NRG3: variants seen among roughly 807,000 people sequenced by gnomAD.
NRG3 encodes the protein pro-neuregulin-3, membrane-bound isoform.
In NRG3, 31 loss-of-function variants were observed where a neutral mutation model predicts 66.9. That is an observed-to-expected ratio of 0.46 (90% CI 0.35 to 0.63). NRG3 has a LOEUF of 0.63. Among genes scored for constraint, NRG3 ranks in the 20% least tolerant of loss-of-function variants. The pLI is 0.00. For missense variants in NRG3, 910 were observed against 878.9 expected, an observed-to-expected ratio of 1.04 and a Z score of -0.45; for synonymous variants, 393 against 359.4, an observed-to-expected ratio of 1.09 and a Z score of -1.06.
At chr10:81,903,998 T>TA (rs1161213864) in intron 1 of NRG3, among the ~76,000 whole-genome samples, 1,722 of 92,260 alleles carry the variant, frequency 0.019, 12 homozygotes, top group Non-Finnish European at 0.024. Context: ...ATATATATAT[T>TA]TTTTTTTTTT....
chr10:82,787,766 T>G (rs572700038), intron 3 of NRG3, among the ~76,000 whole-genome samples: 1 of 152,294 alleles, frequency 6.6e-6, no homozygotes, highest in Non-Finnish European at 1.5e-5. Flanking sequence ...TGAGTGCCAA[T>G]AAATCTGAAT....
intron 4 of NRG3, among the ~76,000 whole-genome samples, chr10:82,936,718 C>T (rs1048961190): frequency 7.2e-5 from 11 of 151,950 alleles, no homozygotes; most frequent in Non-Finnish European, 1.0e-4. Context: ...ACAATAAACA[C>T]ATATAATTTC....
At chr10:82,100,477 A>C (rs1174029938) in intron 1 of NRG3, among the ~76,000 whole-genome samples, 1 of 152,128 alleles carries the variant, frequency 6.6e-6, no homozygotes, top group African/African-American at 2.4e-5. Context: ...AGGAGAAATC[A>C]TTCAGTCTTT....
intron 3 of NRG3, among the ~76,000 whole-genome samples, chr10:82,759,123 T>C (rs2059199310): frequency 6.6e-6 from 1 of 152,078 alleles, no homozygotes; most frequent in African/African-American, 2.4e-5. Flanking sequence ...AAGTAAGTTC[T>C]CCATCTAAAG....
At chr10:82,672,553 G>T (rs1034207556) in intron 2 of NRG3, among the ~76,000 whole-genome samples, 2 of 152,208 alleles carry the variant, frequency 1.3e-5, no homozygotes, top group Non-Finnish European at 2.9e-5. Context: ...CAGCTTGGGT[G>T]ATCATGGTGG....
At chr10:82,707,292 A>AGATTT (rs1033904521) in intron 2 of NRG3, among the ~76,000 whole-genome samples, 7 of 140,790 alleles carry the variant, frequency 5.0e-5, no homozygotes, top group African/African-American at 1.8e-4. Flanking sequence ...GCTGGTTTTG[A>AGATTT]GATTTTTCTC....
At chr10:82,703,751 T>C (rs746248049) in intron 2 of NRG3, among the ~76,000 whole-genome samples, 4 of 152,164 alleles carry the variant, frequency 2.6e-5, no homozygotes, top group Non-Finnish European at 5.9e-5. Context: ...TGACAGATTT[T>C]TCACAAATTT....
intron 2 of NRG3, among the ~76,000 whole-genome samples, chr10:82,539,028 G>T (rs752672918): frequency 4.6e-5 from 7 of 152,110 alleles, no homozygotes; most frequent in African/African-American, 1.7e-4. Flanking sequence ...GCTTCATCCC[G>T]CAAGATTGGA....
intron 2 of NRG3, among the ~76,000 whole-genome samples, chr10:82,474,360 C>A (rs1250351072): frequency 6.6e-6 from 1 of 150,620 alleles, no homozygotes; most frequent in Non-Finnish European, 1.5e-5. Context: ...GAATGGATGA[C>A]TAAAATAAAT....
intron 3 of NRG3, among the ~76,000 whole-genome samples, chr10:82,861,638 A>G (rs1186719623): frequency 2.0e-5 from 3 of 152,230 alleles, no homozygotes; most frequent in African/African-American, 7.2e-5. Context: ...AGTTCATGGA[A>G]GAAGGAAGAA....
At chr10:82,203,266 T>C (rs528008059) in intron 1 of NRG3, among the ~76,000 whole-genome samples, 3 of 152,256 alleles carry the variant, frequency 2.0e-5, no homozygotes, top group South Asian at 2.1e-4. Context: ...TAATAAATAC[T>C]CATTGGAAAT....
intron 1 of NRG3, among the ~76,000 whole-genome samples, chr10:82,346,073 T>C (rs1051716141): frequency 1.9e-4 from 28 of 149,726 alleles, no homozygotes; most frequent in Non-Finnish European, 3.1e-4. Flanking sequence ...TCCTGCCTAA[T>C]TGCCCTGGCC....
At chr10:81,909,212 C>T (rs1264135218) in intron 1 of NRG3, among the ~76,000 whole-genome samples, 2 of 152,268 alleles carry the variant, frequency 1.3e-5, no homozygotes, top group Non-Finnish European at 2.9e-5. Flanking sequence ...ATTTGTGCAT[C>T]TATGTTTCTA....
intron 1 of NRG3, among the ~76,000 whole-genome samples, chr10:82,285,883 C>G (rs1033718409): frequency 6.6e-6 from 1 of 152,152 alleles, no homozygotes; most frequent in African/African-American, 2.4e-5. Flanking sequence ...CCTTCAAATT[C>G]CCAAGTTTAT....
chr10:82,230,570 G>A (rs2076406523), intron 1 of NRG3, among the ~76,000 whole-genome samples: 2 of 151,548 alleles, frequency 1.3e-5, no homozygotes, highest in South Asian at 2.1e-4. Flanking sequence ...TCAGAATCTA[G>A]TTGCCAGATT....
chr10:82,030,697 T>TG (rs781258465), intron 1 of NRG3, among the ~76,000 whole-genome samples: 114 of 136,776 alleles, frequency 8.3e-4, no homozygotes, highest in Non-Finnish European at 1.4e-3. Context: ...ATGTCTAATT[T>TG]GGAAAAAAAA....
At chr10:82,649,082 C>G (rs2051196612) in intron 2 of NRG3, among the ~76,000 whole-genome samples, 1 of 152,156 alleles carries the variant, frequency 6.6e-6, no homozygotes, top group Non-Finnish European at 1.5e-5. Context: ...GATGCCCTCT[C>G]TCACCACTCC....
intron 1 of NRG3, among the ~76,000 whole-genome samples, chr10:82,229,760 A>T (rs1270887877): frequency 6.6e-6 from 1 of 152,172 alleles, no homozygotes; most frequent in East Asian, 1.9e-4. Context: ...ACCACCTCCC[A>T]TGAGGATTAC....
At chr10:81,950,523 A>G (rs973386443) in intron 1 of NRG3, among the ~76,000 whole-genome samples, 6 of 152,196 alleles carry the variant, frequency 3.9e-5, no homozygotes, top group Non-Finnish European at 7.3e-5. Flanking sequence ...TTCATGCTGC[A>G]GAAACTCTCC....
Sources: allele counts gnomAD v4.1 joint callset (sites outside exome capture counted in the v4.1 genomes callset), GRCh38; gene constraint gnomAD v4.1.1; transcripts MANE v1.5; gene names NCBI Gene and HGNC (gene_info 2026-07-23, HGNC 2026-07-21).